Variants in PDE8B observed in about 807,000 individuals in gnomAD.
The protein encoded by PDE8B is high affinity cAMP-specific and IBMX-insensitive 3',5'-cyclic phosphodiesterase 8B.
PDE8B carries 26 observed loss-of-function variants against 101.3 expected under a neutral mutation model. The ratio of observed to expected loss-of-function variants is 0.26; its 90% confidence interval spans 0.19 to 0.36. The LOEUF is 0.36. PDE8B is among the 10% of genes least tolerant of loss of function. The pLI is 1.00. For synonymous variants in PDE8B, 424 were observed against 429.3 expected, an observed-to-expected ratio of 0.99 and a Z score of 0.15; for missense variants, 810 against 1,163.1, an observed-to-expected ratio of 0.70 and a Z score of 4.42.
chr5:77,101,270 C>A, the PDE8B span, among the ~76,000 whole-genome samples: 1 of 151,874 alleles, frequency 6.6e-6, no homozygotes, highest in Non-Finnish European at 1.5e-5. Flanking sequence ...TGCACCAGGT[C>A]AATTTTTTTC....
the PDE8B span, among the ~76,000 whole-genome samples, chr5:77,106,662 A>G: frequency 6.6e-6 from 1 of 152,278 alleles, no homozygotes; most frequent in East Asian, 1.9e-4. Context: ...GACAGGGATT[A>G]TGTTCAATCT....
chr5:77,311,345 T>G (rs1249908269), intron 1 of PDE8B, among the ~76,000 whole-genome samples: 1 of 152,214 alleles, frequency 6.6e-6, no homozygotes, highest in African/African-American at 2.4e-5. Context: ...AGCCCTATGC[T>G]CACTCCTGGA....
At chr5:77,149,292 T>G in the PDE8B span, among the ~76,000 whole-genome samples, 2 of 152,212 alleles carry the variant, frequency 1.3e-5, no homozygotes, top group Non-Finnish European at 2.9e-5. Context: ...AATTTTGAAA[T>G]TGGGTGATAG....
chr5:77,171,808 G>C, the PDE8B span, among the ~76,000 whole-genome samples: 1 of 152,176 alleles, frequency 6.6e-6, no homozygotes, highest in Non-Finnish European at 1.5e-5. Context: ...GCCGCGGAGG[G>C]ATGGAGGTCC....
intron 1 of PDE8B, among the ~76,000 whole-genome samples, chr5:77,219,873 A>C (rs966779645): frequency 3.9e-5 from 6 of 152,188 alleles, no homozygotes; most frequent in South Asian, 4.1e-4. Context: ...TAAAGACTGA[A>C]GGGAGCAAGG....
At chr5:77,355,661 T>C (rs1341411523) in intron 10 of PDE8B, among the ~76,000 whole-genome samples, 1 of 152,226 alleles carries the variant, frequency 6.6e-6, no homozygotes, top group Non-Finnish European at 1.5e-5. Flanking sequence ...CTTCCTCTCC[T>C]CTGCACACAC....
intron 1 of PDE8B, among the ~76,000 whole-genome samples, chr5:77,306,365 G>A (rs1771209842): frequency 6.6e-6 from 1 of 152,140 alleles, no homozygotes; most frequent in Non-Finnish European, 1.5e-5. Flanking sequence ...AGATGCTGGG[G>A]ATAAAATTGT....
chr5:77,336,529 T>C (rs1335517565), intron 5 of PDE8B, among the ~76,000 whole-genome samples: 1 of 152,232 alleles, frequency 6.6e-6, no homozygotes, highest in Non-Finnish European at 1.5e-5. Context: ...TTTTTCGGGT[T>C]CATACATGTT....
the PDE8B span, chr5:77,118,313 G>A: frequency 5.0e-6 from 2 of 398,422 alleles, no homozygotes; most frequent in African/African-American, 4.1e-5. Context: ...TGTTGTTGTT[G>A]TTGCAGGAAA....
intron 12 of PDE8B, 79 bp downstream of exon 12, chr5:77,404,876 G>T: frequency 1.1e-6 from 1 of 884,182 alleles, no homozygotes. Flanking sequence ...ATTCATCAGC[G>T]TATAAACTCC....
intron 10 of PDE8B, among the ~76,000 whole-genome samples, chr5:77,364,982 A>T (rs1328659343): frequency 1.3e-5 from 2 of 152,208 alleles, no homozygotes; most frequent in African/African-American, 4.8e-5. Context: ...CAAAGGAAAC[A>T]AAAGGCAGAT....
chr5:77,332,280 T>C (rs1045251200), intron 5 of PDE8B, among the ~76,000 whole-genome samples: 1 of 152,214 alleles, frequency 6.6e-6, no homozygotes. Flanking sequence ...ATAACAAATA[T>C]ATATATTACT....
chr5:77,218,553 C>T (rs1750329171), intron 1 of PDE8B, among the ~76,000 whole-genome samples: 1 of 152,162 alleles, frequency 6.6e-6, no homozygotes, highest in African/African-American at 2.4e-5. Context: ...TTATTTAGAG[C>T]AGAAGGATGA....
At chr5:77,425,033 A>G (rs995780413) in intron 20 of PDE8B, among the ~76,000 whole-genome samples, 2 of 152,178 alleles carry the variant, frequency 1.3e-5, no homozygotes, top group African/African-American at 4.8e-5. Context: ...AAATAATATA[A>G]TGACTATGGC....
At chr5:77,316,560 C>A (rs1324175341) in intron 2 of PDE8B, among the ~76,000 whole-genome samples, 1 of 152,144 alleles carries the variant, frequency 6.6e-6, no homozygotes, top group East Asian at 1.9e-4. Context: ...GCTTGCTTAG[C>A]AGTCAAATTT....
intron 2 of PDE8B, among the ~76,000 whole-genome samples, chr5:77,313,438 C>T (rs953304140): frequency 6.6e-6 from 1 of 152,168 alleles, no homozygotes; most frequent in African/African-American, 2.4e-5. Context: ...CATTCTGAGC[C>T]ATGCCCTTTG....
chr5:77,102,794 C>T, the PDE8B span, among the ~76,000 whole-genome samples: 104 of 152,316 alleles, frequency 6.8e-4, no homozygotes, highest in Admixed American at 3.6e-3. Flanking sequence ...CTGCCAGCCA[C>T]GCCTAGGCTC....
At chr5:77,210,240 C>G (rs1378949391), upstream of PDE8B, among the ~76,000 whole-genome samples, 7 of 152,064 alleles carry the variant, frequency 4.6e-5, no homozygotes, top group East Asian at 9.8e-4. The surrounding 1 kb of genome is among the most constrained non-coding windows in gnomAD (Gnocchi z 4.9). Flanking sequence ...GCAGAAGAGA[C>G]GAGGCCTCTG....
At chr5:77,242,205 G>T (rs1293444129) in intron 1 of PDE8B, among the ~76,000 whole-genome samples, 1 of 152,208 alleles carries the variant, frequency 6.6e-6, no homozygotes, top group Non-Finnish European at 1.5e-5. Flanking sequence ...CAAACTGGTG[G>T]TGTGTTTACA....
Sources: allele counts gnomAD v4.1 joint callset (sites outside exome capture counted in the v4.1 genomes callset), GRCh38; gene constraint gnomAD v4.1.1; non-coding constraint Gnocchi (gnomAD v3.1); transcripts MANE v1.5; gene names NCBI Gene and HGNC (gene_info 2026-07-23, HGNC 2026-07-21).